Variants in ESCO1 observed in about 807,000 individuals in gnomAD.
The protein encoded by ESCO1 is N-acetyltransferase ESCO1.
In ESCO1, 33 loss-of-function variants were observed where a neutral mutation model predicts 83.5. That is an observed-to-expected ratio of 0.40 (90% CI 0.30 to 0.53). ESCO1 has a LOEUF of 0.53. Ranked by LOEUF, ESCO1 falls within the 20% of genes least tolerant of loss-of-function variation. ESCO1 has a pLI of 0.63. For missense variants in ESCO1, 855 were observed against 968.0 expected, an observed-to-expected ratio of 0.88 and a Z score of 1.55; for synonymous variants, 332 against 324.3, an observed-to-expected ratio of 1.02 and a Z score of -0.25.
At position 21,564,158 on chromosome 18, in the gene ESCO1, T is replaced by A. The variant is rs773766233; in HGVS notation, c.1821+45A>T. ...TATAGCAACATGAAATATACTAAGA[T>A]GGTTCTAACAACAATTCACCAAAAT... On this transcript the variant is annotated intron_variant, in intron 7 of 11. Transcript: ENST00000269214. The A allele has an allele frequency of 9.3e-6, 11 of 1,182,398 alleles. No individual in the cohort carries two copies. In the Admixed American group the frequency reaches 2.3e-4, roughly 25 times the overall value. The allele number at this position is 1,182,398 out of a possible 1,614,324, so 73.2% of individuals were successfully genotyped here.
chr18:21,551,878 C>T (rs2038051847), intron 8 of ESCO1, among the ~76,000 whole-genome samples: 1 of 152,154 alleles, frequency 6.6e-6, no homozygotes, highest in Non-Finnish European at 1.5e-5. Context: ...TAGATCAAAG[C>T]AATCAGCCCC....
rs1251839742 is a variant in ESCO1, at chr18:21,536,128, T to A, written c.2101A>T (p.Met701Leu). 7 of 1,614,042 alleles carry A rather than the reference T, an allele frequency of 4.3e-6. No individual in the cohort carries two copies. The highest frequency in any genetic ancestry group is 1.7e-6 in the Non-Finnish European group (2 of 1,180,010). Residue 701 changes from methionine to leucine, a missense_variant, in exon 10 of 12, where the codon ATG becomes TTG. Physicochemically the swap from Met to Leu is conservative, Grantham distance 15. Coordinates refer to ENST00000269214, the MANE Select transcript of ESCO1 (RefSeq NM_052911.3). ...AGTGTTTTAGTTCTGGAATAGCACA[T>A]TAGTGGAGCCTGTTGAAAACCTAAA... ...NDLGFQQAPLMCYSRTKTLLF... is the reference protein window; with the variant it reads ...NDLGFQQAPLLCYSRTKTLLF...
intron 9 of ESCO1, among the ~76,000 whole-genome samples, chr18:21,539,564 G>A (rs2037877259): frequency 6.6e-6 from 1 of 152,040 alleles, no homozygotes; most frequent in Non-Finnish European, 1.5e-5. Flanking sequence ...AATTAACTGC[G>A]AAATGGGCCA....
At chr18:21,533,501 G>A (rs2146165288) in intron 10 of ESCO1, among the ~76,000 whole-genome samples, 1 of 152,156 alleles carries the variant, frequency 6.6e-6, no homozygotes, top group Admixed American at 6.5e-5. Flanking sequence ...TCAACATGTT[G>A]GCCAGGCTGG....
chr18:21,548,341 A>G (rs190354637), intron 8 of ESCO1, among the ~76,000 whole-genome samples: 1 of 151,660 alleles, frequency 6.6e-6, no homozygotes, highest in East Asian at 2.0e-4. Context: ...AAAAAAATAG[A>G]AAAATTAGCT....
chr18:21,585,546 C>T (rs1006587100), intron 1 of ESCO1, among the ~76,000 whole-genome samples: 2 of 152,134 alleles, frequency 1.3e-5, no homozygotes, highest in African/African-American at 4.8e-5. Context: ...TGATCTTATA[C>T]CAGGACTACA....
intron 4 of ESCO1, 27 bp from the exon 5 acceptor site, chr18:21,568,121 AC>A (rs752762382): frequency 6.5e-7 from 1 of 1,531,830 alleles, no homozygotes; most frequent in South Asian, 1.2e-5. Context: ...CAAAATTTTT[AC>A]ATCAACTTTG....
At chr18:21,543,459 T>C (rs2037932497) in intron 8 of ESCO1, among the ~76,000 whole-genome samples, 1 of 152,198 alleles carries the variant, frequency 6.6e-6, no homozygotes, top group South Asian at 2.1e-4. Flanking sequence ...TTCTCCTTGC[T>C]ATTGGAGTTA....
intron 8 of ESCO1, among the ~76,000 whole-genome samples, chr18:21,557,193 A>G (rs370813820): frequency 8.8e-4 from 134 of 152,316 alleles, no homozygotes; most frequent in South Asian, 8.5e-3. Context: ...AATATTCGAG[A>G]TTCTTCAAAA....
At chr18:21,576,791 T>C (rs912373446) in intron 2 of ESCO1, among the ~76,000 whole-genome samples, 3 of 152,054 alleles carry the variant, frequency 2.0e-5, no homozygotes, top group Non-Finnish European at 2.9e-5. Flanking sequence ...TCCCAGCACT[T>C]TGGGAGGCCA....
At chr18:21,556,975 C>T (rs2038121574) in intron 8 of ESCO1, among the ~76,000 whole-genome samples, 1 of 152,322 alleles carries the variant, frequency 6.6e-6, no homozygotes, top group Non-Finnish European at 1.5e-5. Flanking sequence ...GCTGGGATTA[C>T]AGGCATGAGC....
chr18:21,567,474 T>C (rs1485985065), intron 5 of ESCO1, among the ~76,000 whole-genome samples: 1 of 151,662 alleles, frequency 6.6e-6, no homozygotes, highest in East Asian at 1.9e-4. Flanking sequence ...CCAAATAATG[T>C]GTTATTAAAA....
Position 21,530,349 on chromosome 18 carries a change from G to A in ESCO1, c.2517C>T (p.Ser839=). The A allele has an allele frequency of 6.3e-7, 1 of 1,598,670 alleles. No homozygotes were observed. ...LVYNFINGQN[S]T is the part of the protein sequence containing the mutation. ...GTGTAGGCAAGAATTTGTTTTACGT[G>A]CTATTCTGTCCATTAATAAAATTAT... Residue 839 remains serine, a synonymous_variant, in exon 12 of 12, where the codon AGC becomes AGT. Transcript: ENST00000269214.
At chr18:21,581,862 T>G (rs902848534) in intron 2 of ESCO1, among the ~76,000 whole-genome samples, 9 of 151,474 alleles carry the variant, frequency 5.9e-5, no homozygotes, top group African/African-American at 2.2e-4. Flanking sequence ...AAAGAAAAAT[T>G]TATTAATCAG....
chr18:21,582,737 C>T (rs1160409602), intron 2 of ESCO1, among the ~76,000 whole-genome samples: 1 of 152,184 alleles, frequency 6.6e-6, no homozygotes, highest in Non-Finnish European at 1.5e-5. Flanking sequence ...AAAACCAACA[C>T]AAAATATCAT....
chr18:21,574,854 T>C lies in ESCO1; in HGVS notation c.-11A>G. 1 of 1,559,578 alleles carries C rather than the reference T, an allele frequency of 6.4e-7. No individual in the cohort carries two copies. Among genetic ancestry groups the C allele is most frequent in the African/African-American group, 1.4e-5 (1 of 72,892 alleles). On this transcript the variant is annotated 5_prime_UTR_variant, in exon 4 of 12. Coordinates refer to ENST00000269214, the MANE Select transcript of ESCO1 (RefSeq NM_052911.3). Reference sequence around the variant, plus strand: ...CTGAATGGACATCATTCCTGAGTAATGACTTTCTTTTCTGAGTAGTTTTGA... The same window carrying C: ...CTGAATGGACATCATTCCTGAGTAACGACTTTCTTTTCTGAGTAGTTTTGA...
chr18:21,553,823 C>A, intron 8 of ESCO1, among the ~76,000 whole-genome samples: 1 of 148,604 alleles, frequency 6.7e-6, no homozygotes, highest in African/African-American at 2.5e-5. Flanking sequence ...TTGCGCCACT[C>A]ACTGCACTCC....
intron 9 of ESCO1, among the ~76,000 whole-genome samples, 175 bp from the exon 10 acceptor site, chr18:21,536,360 C>T (rs1039216414): frequency 6.6e-6 from 1 of 151,992 alleles, no homozygotes; most frequent in Non-Finnish European, 1.5e-5. Flanking sequence ...GAGGCCAAGG[C>T]GGGTGGATTG....
intron 8 of ESCO1, among the ~76,000 whole-genome samples, chr18:21,548,913 G>A (rs1220904031): frequency 2.0e-5 from 3 of 151,206 alleles, no homozygotes; most frequent in African/African-American, 7.3e-5. Flanking sequence ...ACTTCAGCCT[G>A]GCCAATAGAG....
Sources: gnomAD v4.1 joint callset for allele counts (sites outside exome capture counted in the v4.1 genomes callset) on GRCh38, gnomAD v4.1.1 for gene constraint, MANE v1.5 for transcripts, NCBI Gene and HGNC (gene_info 2026-07-23, HGNC 2026-07-21) for gene names.